Variants in RNF13 observed in about 807,000 individuals in gnomAD.
RNF13 encodes the protein E3 ubiquitin-protein ligase RNF13.
Under a neutral mutation model 37.7 loss-of-function variants are expected in RNF13, and 19 were observed. The ratio of observed to expected loss-of-function variants is 0.50; its 90% CI spans 0.35 to 0.74. The LOEUF (loss-of-function observed/expected upper bound fraction) is 0.74. Among genes scored for constraint, RNF13 ranks in the 30% least tolerant of loss-of-function variants. The probability of loss-of-function intolerance (pLI) is 0.01; values close to 1 mark genes in which losing one functional copy is unlikely to be tolerated. For synonymous variants in RNF13, 144 were observed against 157.8 expected (o/e 0.91, Z 0.65); for missense variants, 375 against 453.0 (o/e 0.83, Z 1.56).
chr3:149,943,220 CTT>C (rs368828804), intron 8 of RNF13, among the ~76,000 whole-genome samples: 14 of 133,802 alleles, frequency 1.0e-4, no homozygotes, highest in Non-Finnish European at 9.8e-5. Flanking sequence ...TGTTGCAGTT[CTT>C]TTTTTTTTTT....
chr3:149,890,626 G>A (rs1399321738), intron 4 of RNF13, among the ~76,000 whole-genome samples: 1 of 152,178 alleles, frequency 6.6e-6, no homozygotes, highest in Non-Finnish European at 1.5e-5. Flanking sequence ...AGCCCAGGTC[G>A]TCTAGTTCCC....
intron 3 of RNF13, among the ~76,000 whole-genome samples, chr3:149,870,357 T>C (rs1222382340): frequency 6.6e-6 from 1 of 151,672 alleles, no homozygotes; most frequent in Admixed American, 6.6e-5. Flanking sequence ...GGGAGTTTTT[T>C]TTACTTCTCT....
At chr3:149,823,658 A>G (rs1298638118) in intron 1 of RNF13, among the ~76,000 whole-genome samples, 2 of 152,184 alleles carry the variant, frequency 1.3e-5, no homozygotes, top group Non-Finnish European at 2.9e-5. Flanking sequence ...CAGCCATATA[A>G]AGCAGTACAA....
At chr3:149,912,111 TA>T in intron 7 of RNF13, 28 bp downstream of exon 7, 1 of 1,090,718 alleles carries the variant, frequency 9.2e-7, no homozygotes, top group Non-Finnish European at 1.4e-6. Context: ...TAATAATTTT[TA>T]AAAAATAGTA....
At chr3:149,816,516 G>A (rs1312777043) in intron 1 of RNF13, among the ~76,000 whole-genome samples, 3 of 149,270 alleles carry the variant, frequency 2.0e-5, no homozygotes, top group East Asian at 2.0e-4. Flanking sequence ...ATATGCCTTA[G>A]CCTTTTTTTT....
At chr3:149,877,472 C>CTTTTTTTTTTTTTTTTTTTTTTTTTTT in intron 4 of RNF13, among the ~76,000 whole-genome samples, 1 of 101,482 alleles carries the variant, frequency 9.9e-6, no homozygotes, top group Non-Finnish European at 2.0e-5. Context: ...TTCTTTCTGT[C>CTTTTTTTTTTTTTTTTTTTTTTTTTTT]TTTTTTTTTT....
chr3:149,949,901 T>C (rs1251881777), intron 8 of RNF13, among the ~76,000 whole-genome samples: 2 of 152,114 alleles, frequency 1.3e-5, no homozygotes, highest in African/African-American at 4.8e-5. Context: ...TTTTCTCTTT[T>C]AATTTTCTTG....
chr3:149,937,705 A>G (rs946534722), intron 8 of RNF13, among the ~76,000 whole-genome samples: 7 of 152,064 alleles, frequency 4.6e-5, no homozygotes, highest in African/African-American at 1.7e-4. Context: ...TGTGTTTTTT[A>G]ATCTTCACAT....
At chr3:149,935,911 C>T (rs1271617197) in intron 8 of RNF13, among the ~76,000 whole-genome samples, 6 of 152,058 alleles carry the variant, frequency 3.9e-5, no homozygotes, top group Non-Finnish European at 7.4e-5. Flanking sequence ...GAAGAACTAC[C>T]TTTGACATTT....
chr3:149,942,237 T>C (rs1378505248), intron 8 of RNF13, among the ~76,000 whole-genome samples: 1 of 152,178 alleles, frequency 6.6e-6, no homozygotes, highest in African/African-American at 2.4e-5. Flanking sequence ...CTGCAAAAAA[T>C]GTCATTGGTA....
intron 3 of RNF13, among the ~76,000 whole-genome samples, chr3:149,865,674 T>C (rs1431704333): frequency 6.6e-6 from 1 of 152,164 alleles, no homozygotes; most frequent in African/African-American, 2.4e-5. Flanking sequence ...TATTTTTCTG[T>C]AAACAAAAAA....
At chr3:149,876,766 C>T (rs1262773466) in intron 4 of RNF13, among the ~76,000 whole-genome samples, 1 of 142,790 alleles carries the variant, frequency 7.0e-6, no homozygotes, top group Non-Finnish European at 1.5e-5. Context: ...TAGAAGTCAT[C>T]ATATCTTTTT....
rs1052140782 is a variant in RNF13 at position 149,853,834 on chromosome 3, C to CTTTT, written c.195+1255_195+1258dup. On this transcript the variant is annotated intron_variant, in intron 3 of 9. Transcript: ENST00000392894. ...TTATTCTAATTTTCTTAAAATTTCT[C>CTTTT]TTTTTTTTTTTTTTTTTTTTAAGGT... Among the ~76,000 whole-genome samples, 275 of 115,394 alleles carry CTTTT rather than the reference C, an allele frequency of 2.4e-3. 5 individuals are homozygous for CTTTT. Among genetic ancestry groups the CTTTT allele is most frequent in the South Asian group, 3.1e-3 (11 of 3,568 alleles). The allele number at this position is 115,394 out of a possible 152,430, so 75.7% of individuals were successfully genotyped here.
chr3:149,908,930 T>C (rs974638065), intron 6 of RNF13, among the ~76,000 whole-genome samples: 1 of 152,190 alleles, frequency 6.6e-6, no homozygotes, highest in Non-Finnish European at 1.5e-5. Flanking sequence ...CTGGGTTGCT[T>C]AGGACTCTGC....
chr3:149,850,732 T>A (rs1448063567), intron 2 of RNF13, among the ~76,000 whole-genome samples: 1 of 152,226 alleles, frequency 6.6e-6, no homozygotes, highest in African/African-American at 2.4e-5. Context: ...ATAAGTTACT[T>A]TATTTTACAG....
intron 4 of RNF13, among the ~76,000 whole-genome samples, chr3:149,882,906 A>G (rs916183985): frequency 6.6e-6 from 1 of 152,194 alleles, no homozygotes; most frequent in East Asian, 1.9e-4. Context: ...ATGTTACAAC[A>G]AAGATGAAAA....
intron 3 of RNF13, among the ~76,000 whole-genome samples, chr3:149,856,893 G>T (rs962454409): frequency 3.8e-4 from 57 of 151,800 alleles, no homozygotes; most frequent in African/African-American, 1.4e-3. Flanking sequence ...GACTACAGGC[G>T]CCCGCCACTA....
intron 8 of RNF13, among the ~76,000 whole-genome samples, chr3:149,929,934 G>C (rs1719004331): frequency 6.6e-6 from 1 of 151,982 alleles, no homozygotes; most frequent in Non-Finnish European, 1.5e-5. Flanking sequence ...CTTTTGTTTT[G>C]TTTTGTCTTG....
chr3:149,884,641 A>G (rs1264767312), intron 4 of RNF13, among the ~76,000 whole-genome samples: 1 of 152,020 alleles, frequency 6.6e-6, no homozygotes, highest in Non-Finnish European at 1.5e-5. Context: ...TAGTAGGTGT[A>G]TGTATTTATA....
Sources: gnomAD v4.1 joint callset for allele counts (sites outside exome capture counted in the v4.1 genomes callset) on GRCh38, gnomAD v4.1.1 for gene constraint, MANE v1.5 for transcripts, NCBI Gene and HGNC (gene_info 2026-07-23, HGNC 2026-07-21) for gene names.